SLC44A1: variants seen among roughly 807,000 people sequenced by gnomAD.
The protein encoded by SLC44A1 is solute carrier family 44 member 1.
SLC44A1 carries 26 observed loss-of-function variants against 79.3 expected under a neutral mutation model. The observed-to-expected ratio is 0.33, with a 90% confidence interval of 0.24 to 0.46. The LOEUF (loss-of-function observed/expected upper bound fraction) is 0.46, where lower values mean the gene tolerates loss of function less well. Among genes scored for constraint, SLC44A1 ranks in the 20% least tolerant of loss-of-function variants. SLC44A1 has a pLI of 1.00. For synonymous variants in SLC44A1, 263 were observed against 286.2 expected, an observed-to-expected ratio of 0.92 and a Z score of 0.82; for missense variants, 688 against 798.1, an observed-to-expected ratio of 0.86 and a Z score of 1.66.
At chr9:105,404,289 T>G (rs1223243031) in intron 15 of SLC44A1, among the ~76,000 whole-genome samples, 1 of 132,256 alleles carries the variant, frequency 7.6e-6, no homozygotes, top group Non-Finnish European at 1.6e-5. Context: ...TAAAAGCTAA[T>G]GGAGGGATAG....
At chr9:105,376,195 G>T (rs1828277312) in intron 13 of SLC44A1, among the ~76,000 whole-genome samples, 1 of 151,968 alleles carries the variant, frequency 6.6e-6, no homozygotes, top group South Asian at 2.1e-4. Flanking sequence ...AGTGGGTCGG[G>T]TCTCTACAGC....
At chr9:105,424,721 C>T (rs574181902) in intron 15 of SLC44A1, among the ~76,000 whole-genome samples, 4 of 152,066 alleles carry the variant, frequency 2.6e-5, no homozygotes, top group African/African-American at 4.8e-5. Context: ...CCAAGGCAGG[C>T]GGATCACTTG....
chr9:105,364,448 A>T, intron 9 of SLC44A1, 107 bp from the exon 10 acceptor site: 1 of 838,764 alleles, frequency 1.2e-6, no homozygotes, highest in Non-Finnish European at 1.9e-6. Context: ...CACACAGATC[A>T]GAAGGTTTGT....
At position 105,348,520 on chromosome 9, in the gene SLC44A1, T is replaced by C; in HGVS notation, c.500+69T>C. On this transcript the variant is annotated intron_variant, in intron 5 of 15. Coordinates refer to ENST00000374720, the MANE Select transcript of SLC44A1 (RefSeq NM_080546.5). ...GTAGGTAAATTTTAAACAATATATG[T>C]TATTCTGAGAAAATAGTCATTTGAT... 3.1e-6 allele frequency: 3 copies of C among 965,836 alleles called. No individual in the cohort carries two copies. The South Asian group carries it at 4.0e-5, about 13-fold the overall frequency. The allele number at this position is 965,836 out of a possible 1,614,324, so 59.8% of individuals were successfully genotyped here. A position where few individuals can be genotyped will look rare whatever the true frequency, so the allele number is the denominator to read the frequency against.
At chr9:105,317,537 G>T (rs1234831212) in intron 3 of SLC44A1, among the ~76,000 whole-genome samples, 2 of 152,098 alleles carry the variant, frequency 1.3e-5, no homozygotes, top group Admixed American at 1.3e-4. Flanking sequence ...TGACTAGATG[G>T]TTATGAGGGT....
chr9:105,311,590 C>A (rs1160428169), intron 3 of SLC44A1, among the ~76,000 whole-genome samples: 1 of 152,168 alleles, frequency 6.6e-6, no homozygotes, highest in African/African-American at 2.4e-5. Context: ...AGAGAGGCTA[C>A]TTATGATTCT....
chr9:105,259,550 A>G (rs563680506), intron 1 of SLC44A1, among the ~76,000 whole-genome samples: 9 of 152,222 alleles, frequency 5.9e-5, no homozygotes, highest in Non-Finnish European at 1.3e-4. Context: ...AATAAACTTC[A>G]TTTTAAAAAC....
In SLC44A1 at chr9:105,261,042, G is replaced by A. The variant is rs955557909; in HGVS notation, c.36+16138G>A. ...ATTATGGTTAAAACAAATACAACTTGCCAATGGAGAGAAATGGGAATGAAC... is the reference window on the plus strand; with the variant it reads ...ATTATGGTTAAAACAAATACAACTTACCAATGGAGAGAAATGGGAATGAAC... On this transcript the variant is annotated intron_variant, in intron 1 of 15. Coordinates refer to ENST00000374720, the MANE Select transcript of SLC44A1 (RefSeq NM_080546.5). Among the ~76,000 whole-genome samples the A allele has an allele frequency of 2.6e-5, 4 of 152,282 alleles. No homozygotes were observed. The East Asian group carries it at 7.7e-4, about 29-fold the overall frequency.
At chr9:105,244,950 GCGCCGCGTCGCGCGGCGGGCGCC>G in intron 1 of SLC44A1, 46 bp downstream of exon 1, 1 of 1,057,940 alleles carries the variant, frequency 9.5e-7, no homozygotes, top group Non-Finnish European at 1.2e-6. Context: ...TGCCTCCCGT[GCGCCGCGTCGCGCGGCGGGCGCC>G]CGCCGCCCGA....
At chr9:105,368,713 T>C (rs1170765008) in intron 12 of SLC44A1, among the ~76,000 whole-genome samples, 1 of 152,188 alleles carries the variant, frequency 6.6e-6, no homozygotes, top group African/African-American at 2.4e-5. Flanking sequence ...AATGATTCAT[T>C]CTGTAAACTA....
intron 3 of SLC44A1, among the ~76,000 whole-genome samples, chr9:105,313,238 A>G (rs948719446): frequency 2.0e-5 from 3 of 152,338 alleles, no homozygotes; most frequent in East Asian, 1.9e-4. Flanking sequence ...ACGTCCCTAT[A>G]TTATACTTGT....
chr9:105,260,164 A>C (rs1249243521), intron 1 of SLC44A1, among the ~76,000 whole-genome samples: 1 of 152,176 alleles, frequency 6.6e-6, no homozygotes, highest in Non-Finnish European at 1.5e-5. Context: ...AGGTCAGAAA[A>C]GTTTGAGAGG....
At chr9:105,282,738 G>A (rs1564413569) in intron 1 of SLC44A1, among the ~76,000 whole-genome samples, 1 of 151,846 alleles carries the variant, frequency 6.6e-6, no homozygotes, top group Non-Finnish European at 1.5e-5. Context: ...TAGTAGAGAC[G>A]GGGTTTCACC....
chr9:105,379,343 A>T (rs1012528547), intron 13 of SLC44A1, among the ~76,000 whole-genome samples: 1 of 152,182 alleles, frequency 6.6e-6, no homozygotes, highest in Non-Finnish European at 1.5e-5. Flanking sequence ...CGGGTTGAGG[A>T]GGAGGGGAAA....
intron 4 of SLC44A1, among the ~76,000 whole-genome samples, chr9:105,337,242 A>G (rs527518709): frequency 2.6e-5 from 4 of 152,132 alleles, no homozygotes; most frequent in East Asian, 1.9e-4. Flanking sequence ...CCGGAGTCCT[A>G]TTGTTTGGGT....
At chr9:105,293,450 C>G (rs923841454) in intron 1 of SLC44A1, among the ~76,000 whole-genome samples, 9 of 152,170 alleles carry the variant, frequency 5.9e-5, no homozygotes, top group Non-Finnish European at 1.0e-4. Flanking sequence ...GTTTTGGACC[C>G]TACCTGCCTC....
chr9:105,305,687 A>C, intron 2 of SLC44A1, among the ~76,000 whole-genome samples: 1 of 151,922 alleles, frequency 6.6e-6, no homozygotes, highest in South Asian at 2.1e-4. Flanking sequence ...ATTTTGAAAC[A>C]TTTTGCCATA....
chr9:105,426,078 G>T (rs1180886792), intron 15 of SLC44A1, among the ~76,000 whole-genome samples: 1 of 152,202 alleles, frequency 6.6e-6, no homozygotes, highest in Non-Finnish European at 1.5e-5. Context: ...TGAAAGACTA[G>T]TTAGATGAGT....
rs34048538 is a variant in SLC44A1 at position 105,390,430 on chromosome 9, C to CAAAAAAAAAAAAAAAAAA, written c.*1378_*1395dup. On this transcript the variant is annotated 3_prime_UTR_variant, in exon 16 of 16. Coordinates refer to ENST00000374720, the MANE Select transcript of SLC44A1 (RefSeq NM_080546.5). Reference sequence around the variant, plus strand: ...TATTGCACTAAATACAGGCTCTGTACAAAAAAAAAAAAAAAAAAAAAGCCT... The same window carrying CAAAAAAAAAAAAAAAAAA: ...TATTGCACTAAATACAGGCTCTGTACAAAAAAAAAAAAAAAAAAAAAAAAAAAAAAAAAAAAAAAGCCT... 2 of 688,816 alleles carry CAAAAAAAAAAAAAAAAAA rather than the reference C, an allele frequency of 2.9e-6. 1 individual carries two copies. Among genetic ancestry groups the CAAAAAAAAAAAAAAAAAA allele is most frequent in the Non-Finnish European group, 3.4e-6 (2 of 594,728 alleles). 42.7% of individuals were successfully genotyped at this position (688,816 alleles called of 1,614,324 possible). A position where few individuals can be genotyped will look rare whatever the true frequency, so the allele number is the denominator to read the frequency against.
Sources: gnomAD v4.1 joint callset for allele counts (sites outside exome capture counted in the v4.1 genomes callset) on GRCh38, gnomAD v4.1.1 for gene constraint, MANE v1.5 for transcripts, NCBI Gene and HGNC (gene_info 2026-07-23, HGNC 2026-07-21) for gene names.